FSIP2: variants seen among roughly 807,000 people sequenced by gnomAD.
FSIP2 encodes the protein fibrous sheath-interacting protein 2.
A neutral mutation model predicts 510.5 loss-of-function variants in FSIP2; 367 were observed. That is an observed-to-expected ratio of 0.72 (90% confidence interval 0.66 to 0.78). The LOEUF is 0.78. Among genes scored for constraint, FSIP2 ranks in the 30% least tolerant of loss-of-function variants. FSIP2 has a pLI of 0.00. For synonymous variants in FSIP2, 2,601 were observed against 2,732.2 expected (o/e 0.95, Z 1.50); for missense variants, 7,594 against 7,901.7 (o/e 0.96, Z 1.48).
chr2:185,830,589 C>G (rs1694090962), intron 21 of FSIP2, among the ~76,000 whole-genome samples: 1 of 151,852 alleles, frequency 6.6e-6, no homozygotes, highest in African/African-American at 2.4e-5. Context: ...CTTATCATAA[C>G]TAGCACAATG....
At chr2:185,782,099 G>T (rs187258328) in intron 13 of FSIP2, among the ~76,000 whole-genome samples, 5 of 152,198 alleles carry the variant, frequency 3.3e-5, no homozygotes, top group African/African-American at 1.2e-4. Context: ...GCCCCCCAAA[G>T]TGCTGGGATT....
At position 185,809,115 on chromosome 2, in the gene FSIP2, G is replaced by A. The variant is rs1179646933; in HGVS notation, c.19809G>A (p.Leu6603=). ...RRTSLDKTGR[L]DVKPLEAVAR... is the part of the protein sequence containing the mutation. ...CCTCATTGGATAAGACTGGAAGACT[G>A]GATGTAAAACCCCTAGAGGTAAGTG... The change falls in exon 17 of 23, where the codon CTG becomes CTA. Residue 6603 remains leucine, a synonymous_variant. Coordinates refer to ENST00000424728, the MANE Select transcript of FSIP2 (RefSeq NM_173651.4). The A allele has an allele frequency of 1.9e-6, 3 of 1,572,802 alleles. No homozygotes were observed. In the East Asian group the frequency reaches 6.7e-5, roughly 35 times the overall value.
intron 19 of FSIP2, among the ~76,000 whole-genome samples, chr2:185,822,423 A>C (rs1186594214): frequency 6.6e-6 from 1 of 151,974 alleles, no homozygotes; most frequent in East Asian, 1.9e-4. Flanking sequence ...ATTACACTGA[A>C]CAATCTAAAA....
intron 17 of FSIP2, among the ~76,000 whole-genome samples, chr2:185,811,501 G>A (rs1437781829): frequency 6.6e-6 from 1 of 151,072 alleles, no homozygotes; most frequent in Non-Finnish European, 1.5e-5. Context: ...CTGGCCATGT[G>A]GCAAAGAAAA....
In FSIP2 at chr2:185,805,363, A is replaced by T; in HGVS notation, c.16057A>T (p.Asn5353Tyr). ...TAAAGAGACAGTTGATAAAATATCCAATTTTGTATATGAACAGTTCATAGA... is the reference window on the plus strand; with the variant it reads ...TAAAGAGACAGTTGATAAAATATCCTATTTTGTATATGAACAGTTCATAGA... ...IDKETVDKIS[N>Y]FVYEQFIEKC... Residue 5353 changes from asparagine (N) to tyrosine (Y), a missense_variant, in exon 17 of 23, where the codon AAT becomes TAT. By Grantham distance (143) the Asn-to-Tyr change is moderately radical. Coordinates refer to ENST00000424728, the MANE Select transcript of FSIP2 (RefSeq NM_173651.4). 3 of 1,597,246 alleles carry T rather than the reference A, an allele frequency of 1.9e-6. No individual in the cohort carries two copies. The highest frequency in any genetic ancestry group is 2.6e-6 in the Non-Finnish European group (3 of 1,174,134).
At chr2:185,810,174 T>C (rs546417041) in intron 17 of FSIP2, among the ~76,000 whole-genome samples, 1 of 152,194 alleles carries the variant, frequency 6.6e-6, no homozygotes, top group African/African-American at 2.4e-5. Context: ...ATTAATGCTT[T>C]AAGCTTTCAC....
intron 13 of FSIP2, among the ~76,000 whole-genome samples, chr2:185,778,184 T>C (rs1227736404): frequency 6.6e-6 from 1 of 152,042 alleles, no homozygotes; most frequent in Non-Finnish European, 1.5e-5. Context: ...TATGGCATAG[T>C]TGCTAAGCAG....
intron 13 of FSIP2, among the ~76,000 whole-genome samples, chr2:185,777,798 G>A (rs1012579616): frequency 6.6e-6 from 1 of 152,056 alleles, no homozygotes; most frequent in Non-Finnish European, 1.5e-5. Flanking sequence ...CTTGAGAGAG[G>A]TTGGGTTGTA....
In FSIP2 at chr2:185,807,065, C is replaced by T. The variant is rs1300520924; in HGVS notation, c.17759C>T (p.Ser5920Phe). 6.3e-7 allele frequency: 1 copy of T among 1,591,130 alleles called. No individual in the cohort carries two copies. Among genetic ancestry groups the T allele is most frequent in the Non-Finnish European group, 8.5e-7 (1 of 1,172,198 alleles). The change falls in exon 17 of 23, where the codon TCT (serine) becomes TTT (phenylalanine). Residue 5920 changes from serine to phenylalanine, a missense_variant. Transcript: ENST00000424728. ...TTGGTCAATAAAGTTGTTCACTCCT[C>T]TGTTTGTAATATTTTAAATGACTAT... ...KTLVNKVVHS[S>F]VCNILNDYGS... is the part of the protein sequence containing the mutation.
rs2105624244 is a variant in FSIP2 at position 185,795,227 on chromosome 2, T to A, written c.8091T>A (p.Pro2697=). ...AKAKSKTKLG[P]GEKTLKDSRS... Reference sequence around the variant, plus strand: ...CCAAAAGCAAAACCAAGTTAGGTCCTGGAGAGAAGACCCTAAAAGACAGCA... The same window carrying A: ...CCAAAAGCAAAACCAAGTTAGGTCCAGGAGAGAAGACCCTAAAAGACAGCA... Residue 2697 remains proline (P), a synonymous_variant, in exon 16 of 23, where the codon CCT becomes CCA. Transcript: ENST00000424728. 3 of 1,535,106 alleles carry A rather than the reference T, an allele frequency of 2.0e-6. No homozygotes were observed. The highest frequency in any genetic ancestry group is 2.6e-6 in the Non-Finnish European group (3 of 1,146,264).
At chr2:185,817,070 A>T (rs1044802202) in intron 19 of FSIP2, among the ~76,000 whole-genome samples, 20 of 151,828 alleles carry the variant, frequency 1.3e-4, no homozygotes, top group African/African-American at 1.7e-4. Flanking sequence ...CAAAATAGTT[A>T]AAAAAAATCT....
chr2:185,752,306 CTTTA>C (rs1692165007), intron 7 of FSIP2, among the ~76,000 whole-genome samples: 1 of 150,396 alleles, frequency 6.6e-6, no homozygotes, highest in Non-Finnish European at 1.5e-5. Context: ...TGTCTTTAAA[CTTTA>C]TTTTTCTCTA....
Position 185,803,459 on chromosome 2 carries a change from A to ATT in FSIP2, c.14156_14157dup (p.Leu4720PhefsTer2). 1 of 1,528,872 alleles carries ATT rather than the reference A, an allele frequency of 6.5e-7. No individual in the cohort carries two copies. Among genetic ancestry groups the ATT allele is most frequent in the Non-Finnish European group, 8.7e-7 (1 of 1,143,452 alleles). The allele number at this position is 1,528,872 out of a possible 1,614,324, so 94.7% of individuals were successfully genotyped here. A position where few individuals can be genotyped will look rare whatever the true frequency, so the allele number is the denominator to read the frequency against. On this transcript the variant is annotated frameshift_variant, in exon 17 of 23. Transcript: ENST00000424728. LOFTEE classifies it high-confidence loss of function. ...GAAATGGAAGTCGTGCCCAATAAAGATTTTCTAAATGACACAAAGACATTG... is the reference window on the plus strand; with the variant it reads ...GAAATGGAAGTCGTGCCCAATAAAGATTTTTTCTAAATGACACAAAGACATTG...
intron 11 of FSIP2, 151 bp from the exon 12 acceptor site, chr2:185,763,032 T>A (rs1692387395): frequency 5.3e-6 from 3 of 570,138 alleles, no homozygotes; most frequent in Non-Finnish European, 9.4e-6. Context: ...TGGAGATATT[T>A]CCTTGACTCA....
At chr2:185,824,171 C>T (rs1443597831) in intron 19 of FSIP2, among the ~76,000 whole-genome samples, 1 of 151,760 alleles carries the variant, frequency 6.6e-6, no homozygotes, top group African/African-American at 2.4e-5. Context: ...GTGATGGTTG[C>T]ACAACACTGC....
At position 185,794,639 on chromosome 2, in the gene FSIP2, C is replaced by A; in HGVS notation, c.7503C>A (p.Val2501=). 6.5e-7 allele frequency: 1 copy of A among 1,532,522 alleles called. No homozygotes were observed. The highest frequency in any genetic ancestry group is 8.7e-7 in the Non-Finnish European group (1 of 1,145,132). The allele number at this position is 1,532,522 out of a possible 1,614,324, so 94.9% of individuals were successfully genotyped here. A position where few individuals can be genotyped will look rare whatever the true frequency, so the allele number is the denominator to read the frequency against. ...LNKLYQRVRE[V]TGHLPPLNET... is the part of the protein sequence containing the mutation. ...AGTTGTATCAAAGAGTAAGGGAAGT[C>A]ACAGGCCATTTGCCTCCACTTAATG... Residue 2501 remains valine (V), a synonymous_variant, in exon 16 of 23, where the codon GTC becomes GTA. Transcript: ENST00000424728.
chr2:185,793,921 A>G lies in FSIP2; in HGVS notation c.6785A>G (p.Glu2262Gly), dbSNP rs1174801640. Residue 2262 changes from glutamate to glycine, a missense_variant, in exon 16 of 23, where the codon GAA becomes GGA. Transcript: ENST00000424728. Reference protein sequence around the residue: ...FITKTIFKRLESFATERIDSL... With the variant: ...FITKTIFKRLGSFATERIDSL... ...ACTAAAACTATTTTTAAACGTTTGG[A>G]ATCTTTTGCCACAGAAAGAATAGAT... is the stretch of plus-strand genomic sequence containing the variant. The G allele has an allele frequency of 1.3e-6, 2 of 1,525,636 alleles. No individual in the cohort carries two copies. The highest frequency in any genetic ancestry group is 2.4e-5 in the South Asian group (2 of 81,674). 94.5% of individuals were successfully genotyped at this position (1,525,636 alleles called of 1,614,324 possible).
In FSIP2 at chr2:185,816,674, C is replaced by T. The variant is rs370357867; in HGVS notation, c.20426+1203C>T. On this transcript the variant is annotated intron_variant, in intron 19 of 22. Coordinates refer to ENST00000424728, the MANE Select transcript of FSIP2 (RefSeq NM_173651.4). ...GCGACATAGCAAGACCCTAACTCTA[C>T]TAAAATAAAATAAAATAAAATAAAA... Among the ~76,000 whole-genome samples the T allele has an allele frequency of 2.0e-5, 3 of 151,268 alleles. No homozygotes were observed. The East Asian group carries it at 5.9e-4, about 30-fold the overall frequency.
Position 185,738,882 on chromosome 2 carries a change from G to T in FSIP2, c.-13G>T, listed in dbSNP as rs1404100820. On this transcript the variant is annotated 5_prime_UTR_variant, in exon 1 of 23. Coordinates refer to ENST00000424728, the MANE Select transcript of FSIP2 (RefSeq NM_173651.4). ...GGGCGGGTGAGGAAGGGGCTGAGGG[G>T]GCTGTGCCGGCCATGGAGCTGTACC... 2.6e-6 allele frequency: 4 copies of T among 1,535,534 alleles called. No individual in the cohort carries two copies. In the South Asian group the frequency reaches 3.6e-5, roughly 14 times the overall value.
Sources: gnomAD v4.1 joint callset for allele counts (sites outside exome capture counted in the v4.1 genomes callset) on GRCh38, gnomAD v4.1.1 for gene constraint, MANE v1.5 for transcripts, NCBI Gene and HGNC (gene_info 2026-07-23, HGNC 2026-07-21) for gene names.